Variants in TCF7L2 observed in about 807,000 individuals in gnomAD.
The protein encoded by TCF7L2 is transcription factor 7 like 2.
A neutral mutation model predicts 77.9 loss-of-function variants in TCF7L2; 23 were observed. The ratio of observed to expected loss-of-function variants is 0.30; its 90% CI spans 0.21 to 0.42. The LOEUF (loss-of-function observed/expected upper bound fraction) is 0.42. Among genes scored for constraint, TCF7L2 ranks in the 10% least tolerant of loss-of-function variants. TCF7L2 has a pLI of 1.00. For missense variants in TCF7L2, 654 were observed against 793.1 expected (o/e 0.82, Z 2.11); for synonymous variants, 413 against 340.2 (o/e 1.21, Z -2.36).
intron 5 of TCF7L2, among the ~76,000 whole-genome samples, chr10:113,065,051 G>GA (rs2057062056): frequency 6.6e-6 from 1 of 152,080 alleles, no homozygotes; most frequent in Middle Eastern, 3.4e-3. Context: ...ATTCCATAGG[G>GA]AAAAAAGGGC....
Position 112,950,733 on chromosome 10 carries a change from T to C in TCF7L2, c.-24T>C, listed in dbSNP as rs2030722947. 1 of 1,531,374 alleles carries C rather than the reference T, an allele frequency of 6.5e-7. No homozygotes were observed. Among genetic ancestry groups the C allele is most frequent in the Non-Finnish European group, 8.8e-7 (1 of 1,142,346 alleles). 94.9% of individuals were successfully genotyped at this position (1,531,374 alleles called of 1,614,324 possible). The stretch of plus-strand genomic sequence containing the variant: ...TTCCTCCTTCATTTTTCTTCCAAAA[T>C]TGCTGCTGGTGGGTGAAAAAAAAAT... On this transcript the variant is annotated 5_prime_UTR_variant, in exon 1 of 14. Transcript: ENST00000627217.
At chr10:112,969,375 A>G (rs2037724439) in intron 4 of TCF7L2, among the ~76,000 whole-genome samples, 1 of 152,214 alleles carries the variant, frequency 6.6e-6, no homozygotes, top group African/African-American at 2.4e-5. Context: ...CAGTGCATGC[A>G]TCCTTCCTAC....
intron 5 of TCF7L2, among the ~76,000 whole-genome samples, chr10:113,078,000 T>G (rs2058906547): frequency 6.6e-6 from 1 of 151,954 alleles, no homozygotes; most frequent in Admixed American, 6.6e-5. Context: ...CCTCCCAAAG[T>G]GCTGGGATTA....
At chr10:112,986,285 C>G (rs1180936940) in intron 4 of TCF7L2, among the ~76,000 whole-genome samples, 1 of 152,064 alleles carries the variant, frequency 6.6e-6, no homozygotes, top group Non-Finnish European at 1.5e-5. Flanking sequence ...TCCTCTCTTG[C>G]CTTTCCTCCT....
chr10:113,084,903 C>A (rs1027608850), intron 5 of TCF7L2, among the ~76,000 whole-genome samples: 5 of 148,778 alleles, frequency 3.4e-5, no homozygotes, highest in African/African-American at 7.5e-5. Context: ...CTCAAGCCAC[C>A]CCCCCCCAAA....
intron 5 of TCF7L2, among the ~76,000 whole-genome samples, chr10:113,091,126 T>A (rs940047313): frequency 3.3e-5 from 5 of 152,174 alleles, no homozygotes; most frequent in African/African-American, 1.2e-4. Flanking sequence ...GTTCTTGAAC[T>A]CCTGACCTCA....
intron 11 of TCF7L2, chr10:113,157,820 G>T: frequency 1.8e-6 from 1 of 546,980 alleles, no homozygotes; most frequent in Non-Finnish European, 3.3e-6. Context: ...CTCCCAAGAA[G>T]CGTGTGTCCC....
chr10:113,146,709 A>G (rs2069499079), intron 8 of TCF7L2, among the ~76,000 whole-genome samples: 1 of 151,964 alleles, frequency 6.6e-6, no homozygotes, highest in African/African-American at 2.4e-5. Flanking sequence ...TCATTTTAAC[A>G]TGCTATTCCT....
At chr10:113,112,430 G>A (rs777624588) in intron 5 of TCF7L2, among the ~76,000 whole-genome samples, 2 of 152,194 alleles carry the variant, frequency 1.3e-5, no homozygotes, top group African/African-American at 2.4e-5. Context: ...ATCACCACCC[G>A]GCTAGCGACT....
At chr10:113,060,811 G>A (rs1007618437) in intron 5 of TCF7L2, among the ~76,000 whole-genome samples, 2 of 151,970 alleles carry the variant, frequency 1.3e-5, no homozygotes, top group African/African-American at 2.4e-5. Flanking sequence ...AGGAGAAGAC[G>A]CCGCCCAGAA....
intron 5 of TCF7L2, among the ~76,000 whole-genome samples, chr10:113,113,157 C>T (rs1351757634): frequency 1.3e-5 from 2 of 152,112 alleles, no homozygotes; most frequent in Non-Finnish European, 2.9e-5. Context: ...CTGGCCAACC[C>T]GGTCTGCCTT....
intron 4 of TCF7L2, among the ~76,000 whole-genome samples, chr10:113,036,675 T>C (rs915703051): frequency 6.6e-6 from 1 of 152,000 alleles, no homozygotes; most frequent in Non-Finnish European, 1.5e-5. Flanking sequence ...CTTCTTTCTT[T>C]CTTTCTTTCT....
intron 5 of TCF7L2, among the ~76,000 whole-genome samples, chr10:113,073,099 C>CCTGTGTGT (rs145753150): frequency 1.3e-4 from 14 of 104,018 alleles, no homozygotes; most frequent in South Asian, 3.3e-4. Flanking sequence ...AGGGCCAGGT[C>CCTGTGTGT]GTGTGTGTGT....
intron 4 of TCF7L2, among the ~76,000 whole-genome samples, chr10:113,031,982 G>A (rs1022169683): frequency 2.6e-5 from 4 of 152,242 alleles, no homozygotes; most frequent in Non-Finnish European, 5.9e-5. Context: ...CTCATTTCTT[G>A]CTACAGACTT....
chr10:113,101,742 C>T (rs531111109), intron 5 of TCF7L2, among the ~76,000 whole-genome samples: 2 of 149,078 alleles, frequency 1.3e-5, no homozygotes, highest in Admixed American at 6.8e-5. Context: ...ACTTGGGAGG[C>T]TGAGGCAGGA....
chr10:113,127,320 A>G (rs2065816550), intron 5 of TCF7L2, among the ~76,000 whole-genome samples: 1 of 151,430 alleles, frequency 6.6e-6, no homozygotes, highest in Non-Finnish European at 1.5e-5. Flanking sequence ...CCCATCCCCA[A>G]ATATTTTCGT....
intron 4 of TCF7L2, among the ~76,000 whole-genome samples, chr10:113,036,098 TATCATCATCATCATCACCATCATCATC>T (rs2051152399): frequency 7.1e-6 from 1 of 140,988 alleles, no homozygotes. Flanking sequence ...TTTGTCGCCA[TATCATCATCATCATCACCATCATCATC>T]ATCATCATCA....
intron 5 of TCF7L2, among the ~76,000 whole-genome samples, chr10:113,040,915 T>G (rs1355646843): frequency 6.6e-6 from 1 of 152,216 alleles, no homozygotes; most frequent in African/African-American, 2.4e-5. Flanking sequence ...GGAAGGCATA[T>G]TTTTATAATG....
intron 5 of TCF7L2, among the ~76,000 whole-genome samples, chr10:113,116,147 T>C (rs536501719): frequency 6.6e-6 from 1 of 152,298 alleles, no homozygotes; most frequent in South Asian, 2.1e-4. Context: ...ATGTATAGTT[T>C]ATCATGATAA....
Sources: gnomAD v4.1 joint callset for allele counts (sites outside exome capture counted in the v4.1 genomes callset) on GRCh38, gnomAD v4.1.1 for gene constraint, MANE v1.5 for transcripts, NCBI Gene and HGNC (gene_info 2026-07-23, HGNC 2026-07-21) for gene names.